GRIN2A: variants seen among roughly 807,000 people sequenced by gnomAD.
The protein encoded by GRIN2A is glutamate receptor ionotropic, NMDA 2A.
GRIN2A carries 22 observed loss-of-function variants against 113.4 expected under a neutral mutation model. The observed-to-expected ratio is 0.19, with a 90% CI of 0.14 to 0.28. GRIN2A has a LOEUF of 0.28. Ranked by LOEUF, GRIN2A falls within the 10% of genes least tolerant of loss-of-function variation. GRIN2A has a pLI of 1.00. For missense variants in GRIN2A, 1,502 were observed against 1,887.0 expected, an observed-to-expected ratio of 0.80 and a Z score of 3.78; for synonymous variants, 827 against 738.4, an observed-to-expected ratio of 1.12 and a Z score of -1.94.
chr16:9,934,585 G>T (rs1309601608), intron 3 of GRIN2A, among the ~76,000 whole-genome samples: 2 of 150,482 alleles, frequency 1.3e-5, no homozygotes, highest in African/African-American at 2.5e-5. Context: ...GGAGGGTGGG[G>T]CGGGAGAATT....
intron 2 of GRIN2A, among the ~76,000 whole-genome samples, chr16:10,086,876 C>T (rs2048095787): frequency 6.6e-6 from 1 of 152,182 alleles, no homozygotes; most frequent in Non-Finnish European, 1.5e-5. Flanking sequence ...AAACAAATGC[C>T]TACCTAGCTG....
At chr16:10,109,892 A>T (rs550315183) in intron 2 of GRIN2A, among the ~76,000 whole-genome samples, 48 of 142,758 alleles carry the variant, frequency 3.4e-4, no homozygotes, top group Admixed American at 7.7e-4. Context: ...AAAAAAATAA[A>T]ATTTTTTTTA....
chr16:9,837,680 T>C (rs538439693), intron 7 of GRIN2A, among the ~76,000 whole-genome samples: 10 of 152,260 alleles, frequency 6.6e-5, no homozygotes, highest in African/African-American at 2.4e-4. Flanking sequence ...AGGGGAAACA[T>C]GACTAGGAGT....
At position 10,076,131 on chromosome 16, in the gene GRIN2A, C is replaced by T. The variant is rs1300741297; in HGVS notation, c.414+103867G>A. ...AGGGCTAACCAGACCATTCTCCCAG[C>T]CCAGCACCTGGGACATCAGGAAGCA... On this transcript the variant is annotated intron_variant, in intron 2 of 12. Coordinates refer to ENST00000330684, the MANE Select transcript of GRIN2A (RefSeq NM_001134407.3). Among the ~76,000 whole-genome samples the T allele has an allele frequency of 5.3e-5, 8 of 152,308 alleles. No homozygotes were observed. The East Asian group carries it at 1.5e-3, about 29-fold the overall frequency.
intron 2 of GRIN2A, among the ~76,000 whole-genome samples, chr16:10,011,479 A>C (rs1050605622): frequency 6.6e-6 from 1 of 152,118 alleles, no homozygotes; most frequent in Admixed American, 6.5e-5. Context: ...TCCCAGGGCC[A>C]AGGCGGGACC....
At chr16:9,766,076 C>T (rs1435909906) in intron 12 of GRIN2A, among the ~76,000 whole-genome samples, 1 of 152,136 alleles carries the variant, frequency 6.6e-6, no homozygotes, top group Non-Finnish European at 1.5e-5. Context: ...TGCTTCTCCC[C>T]ACTCCTACCC....
chr16:10,027,067 G>C (rs183944407), intron 2 of GRIN2A, among the ~76,000 whole-genome samples: 1 of 152,110 alleles, frequency 6.6e-6, no homozygotes, highest in Non-Finnish European at 1.5e-5. Flanking sequence ...TTAAATATTT[G>C]TTATGTTTCT....
rs977840860 is a variant in GRIN2A, at chr16:9,758,957, C to T, written c.*4192G>A. ...AAATATCAAGCAACACATTTAGCTT[C>T]CACCTACTCAAACTTCTTTTTCTTT... On this transcript the variant is annotated 3_prime_UTR_variant, in exon 13 of 13. Transcript: ENST00000330684. 9.0e-6 allele frequency: 2 copies of T among 222,030 alleles called. No individual in the cohort carries two copies. Among genetic ancestry groups the T allele is most frequent in the African/African-American group, 2.2e-5 (1 of 44,738 alleles). The allele number at this position is 222,030 out of a possible 1,614,324, so 13.8% of individuals were successfully genotyped here.
chr16:9,900,246 C>A (rs998292817), intron 3 of GRIN2A, among the ~76,000 whole-genome samples: 1 of 152,156 alleles, frequency 6.6e-6, no homozygotes, highest in African/African-American at 2.4e-5. Context: ...AATGAGAGCT[C>A]GTCTAGGCCC....
At position 9,921,799 on chromosome 16, in the gene GRIN2A, G is replaced by A. The variant is rs2044364029; in HGVS notation, c.1007+16160C>T. Among the ~76,000 whole-genome samples, 3 of 152,110 alleles carry A rather than the reference G, an allele frequency of 2.0e-5. No homozygotes were observed. In the South Asian group the frequency reaches 6.2e-4, roughly 32 times the overall value. On this transcript the variant is annotated intron_variant, in intron 3 of 12. Transcript: ENST00000330684. ...CCACAAAGAACCTAGAAGGTGTAGT[G>A]GAAGCAATGCACCTAGGTGTGGGAG...
chr16:10,074,712 G>T (rs551959607), intron 2 of GRIN2A, among the ~76,000 whole-genome samples: 1 of 152,132 alleles, frequency 6.6e-6, no homozygotes, highest in Non-Finnish European at 1.5e-5. Flanking sequence ...TAGATCCATG[G>T]TTTCTAGGGC....
chr16:10,169,295 T>C lies in GRIN2A; in HGVS notation c.414+10703A>G, dbSNP rs78415402. On this transcript the variant is annotated intron_variant, in intron 2 of 12. Transcript: ENST00000330684. The stretch of plus-strand genomic sequence containing the variant: ...GAACTAAGTGCAATGCTACATATAA[T>C]GGTGTTAGTGTTGCTGGAGACATCA... Among the ~76,000 whole-genome samples, 345 of 152,316 alleles carry C rather than the reference T, an allele frequency of 2.3e-3. 1 individual carries two copies. The highest frequency in any genetic ancestry group is 3.5e-3 in the Non-Finnish European group (237 of 68,024).
At chr16:9,785,173 A>G (rs1484760230) in intron 11 of GRIN2A, among the ~76,000 whole-genome samples, 2 of 152,104 alleles carry the variant, frequency 1.3e-5, no homozygotes, top group African/African-American at 4.8e-5. Flanking sequence ...ACAATAGCAA[A>G]GACTTGGAAC....
intron 3 of GRIN2A, among the ~76,000 whole-genome samples, chr16:9,904,610 T>A (rs2043993246): frequency 6.6e-6 from 1 of 152,192 alleles, no homozygotes; most frequent in South Asian, 2.1e-4. Context: ...TGGCCTCAAG[T>A]GATCTGTCCA....
Position 10,180,329 on chromosome 16 carries a change from T to G in GRIN2A, c.83A>C (p.Glu28Ala), listed in dbSNP as rs146839931. 181 of 1,609,506 alleles carry G rather than the reference T, an allele frequency of 1.1e-4. No individual in the cohort carries two copies. The highest frequency in any genetic ancestry group is 2.9e-4 in the African/African-American group (22 of 74,890). ...WRGPAPSAAA[E>A]KGPPALNIAV... ...AATATTTAGCGCGGGGGGACCCTTCTCCGCCGCCGCGCTCGGCGCCGGACC... is the reference window on the plus strand; with the variant it reads ...AATATTTAGCGCGGGGGGACCCTTCGCCGCCGCCGCGCTCGGCGCCGGACC... The change falls in exon 2 of 13, where the codon GAG becomes GCG. Residue 28 changes from glutamate to alanine, a missense_variant. Transcript: ENST00000330684. The surrounding 1 kb of genome is among the most constrained non-coding windows in gnomAD (Gnocchi z 7.0).
chr16:9,765,494 A>T (rs1333767046), intron 12 of GRIN2A, among the ~76,000 whole-genome samples: 3 of 152,210 alleles, frequency 2.0e-5, no homozygotes, highest in Non-Finnish European at 2.9e-5. Context: ...TCTCTTCTCC[A>T]TGCACACATT....
At chr16:10,154,539 T>C (rs1241135017) in intron 2 of GRIN2A, among the ~76,000 whole-genome samples, 1 of 152,246 alleles carries the variant, frequency 6.6e-6, no homozygotes, top group Admixed American at 6.5e-5. Flanking sequence ...CTCAGTGCCC[T>C]GAACTGTGTG....
chr16:9,831,707 G>A (rs530639190), intron 8 of GRIN2A, among the ~76,000 whole-genome samples: 12 of 151,878 alleles, frequency 7.9e-5, no homozygotes, highest in Non-Finnish European at 1.8e-4. Flanking sequence ...GTAGGGATGC[G>A]GTTTTGCCAT....
At chr16:10,107,288 T>C (rs2142130663) in intron 2 of GRIN2A, among the ~76,000 whole-genome samples, 1 of 152,214 alleles carries the variant, frequency 6.6e-6, no homozygotes, top group Non-Finnish European at 1.5e-5. Flanking sequence ...TGTAGGAAGA[T>C]GGATGAGGAA....
Sources: gnomAD v4.1 joint callset for allele counts (sites outside exome capture counted in the v4.1 genomes callset) on GRCh38, gnomAD v4.1.1 for gene constraint, Gnocchi (gnomAD v3.1) non-coding constraint, MANE v1.5 for transcripts, NCBI Gene and HGNC (gene_info 2026-07-23, HGNC 2026-07-21) for gene names.